SMIM24: variants seen among roughly 807,000 people sequenced by gnomAD.
SMIM24 encodes the protein small integral membrane protein 24, also known as MAP17-related dimer.
In SMIM24, 6 loss-of-function variants were observed where a neutral mutation model predicts 10.8. The ratio of observed to expected loss-of-function variants is 0.55; its 90% CI spans 0.30 to 1.09. The LOEUF is 1.09. Ranked by LOEUF, SMIM24 falls within the 50% of genes least tolerant of loss-of-function variation. The pLI is 0.06. For synonymous variants in SMIM24, 71 were observed against 62.4 expected (o/e 1.14, Z -0.65); for missense variants, 151 against 153.4 (o/e 0.98, Z 0.08).
Position 3,478,922 on chromosome 19 carries a change from C to G in SMIM24, c.75G>C (p.Glu25Asp). The change falls in exon 2 of 4, where the codon GAG becomes GAC. Residue 25 changes from glutamate (E) to aspartate (D), a missense_variant. Glu to Asp is a conservative substitution (Grantham distance 45). Coordinates refer to ENST00000215531, the MANE Select transcript of SMIM24 (RefSeq NM_001136503.2). ...LSPVEAQQAT[E>D]HRLKPWLVGL... is the part of the protein sequence containing the mutation. Reference sequence around the variant, plus strand: ...CCACCAGCCACGGCTTCAGGCGATGCTCCGTGGCTGCAGGAAGTTGGGGAG... The same window carrying G: ...CCACCAGCCACGGCTTCAGGCGATGGTCCGTGGCTGCAGGAAGTTGGGGAG... 1 of 1,549,606 alleles carries G rather than the reference C, an allele frequency of 6.5e-7. No individual in the cohort carries two copies. Among genetic ancestry groups the G allele is most frequent in the South Asian group, 1.2e-5 (1 of 84,018 alleles).
At position 3,480,510 on chromosome 19, in the gene SMIM24, C is replaced by G; in HGVS notation, c.-47G>C. 3 of 1,537,368 alleles carry G rather than the reference C, an allele frequency of 2.0e-6. No individual in the cohort carries two copies. The highest frequency in any genetic ancestry group is 3.6e-4 in the Middle Eastern group (2 of 5,494). The stretch of plus-strand genomic sequence containing the variant: ...CCAGCCAGCGGCGGTCCCGGGTCGG[C>G]GTCCACAGGTTTGGTGTGGGCGAGG... On this transcript the variant is annotated 5_prime_UTR_variant, in exon 1 of 4. Transcript: ENST00000215531.
chr19:3,479,940 G>A (rs1423038158), intron 1 of SMIM24, among the ~76,000 whole-genome samples: 1 of 143,650 alleles, frequency 7.0e-6, no homozygotes, highest in Non-Finnish European at 1.5e-5. Context: ...GCTTATAGAG[G>A]AGGCAGAGGC....
chr19:3,474,645 G>T lies in SMIM24; in HGVS notation c.*198C>A. On this transcript the variant is annotated 3_prime_UTR_variant, in exon 4 of 4. Coordinates refer to ENST00000215531, the MANE Select transcript of SMIM24 (RefSeq NM_001136503.2). The stretch of plus-strand genomic sequence containing the variant: ...CAGGCAGGGACCAAGCTCAGGAAGA[G>T]GGGTGCATGAAAACCATGTTTGCCC... 1 of 615,118 alleles carries T rather than the reference G, an allele frequency of 1.6e-6. No homozygotes were observed. Among genetic ancestry groups the T allele is most frequent in the South Asian group, 2.6e-5 (1 of 39,030 alleles). 38.1% of individuals were successfully genotyped at this position (615,118 alleles called of 1,614,324 possible). A position where few individuals can be genotyped will look rare whatever the true frequency, so the allele number is the denominator to read the frequency against.
intron 3 of SMIM24, among the ~76,000 whole-genome samples, chr19:3,477,302 GGA>G (rs2082797184): frequency 7.0e-6 from 1 of 143,716 alleles, no homozygotes; most frequent in Non-Finnish European, 1.5e-5. Context: ...ATGGATGGAT[GGA>G]TGATAGACAG....
Position 3,474,781 on chromosome 19 carries a change from T to A in SMIM24, c.*62A>T. The A allele has an allele frequency of 6.6e-7, 1 of 1,518,072 alleles. No individual in the cohort carries two copies. Among genetic ancestry groups the A allele is most frequent in the Admixed American group, 2.2e-5 (1 of 45,016 alleles). 94.0% of individuals were successfully genotyped at this position (1,518,072 alleles called of 1,614,324 possible). The stretch of plus-strand genomic sequence containing the variant: ...TTCACGGGCTTCAAGTCCAGGGCAC[T>A]GCTTTTAGGGGGCAGAAGAGGCATC... On this transcript the variant is annotated 3_prime_UTR_variant, in exon 4 of 4. Coordinates refer to ENST00000215531, the MANE Select transcript of SMIM24 (RefSeq NM_001136503.2).
At position 3,474,178 on chromosome 19, in the gene SMIM24, G is replaced by T. The variant is rs1178174339; in HGVS notation, c.*665C>A. The T allele has an allele frequency of 1.3e-5, 2 of 151,660 alleles. No individual in the cohort carries two copies. The highest frequency in any genetic ancestry group is 2.0e-4 in the East Asian group (1 of 5,116). 9.4% of individuals were successfully genotyped at this position (151,660 alleles called of 1,614,324 possible). The stretch of plus-strand genomic sequence containing the variant: ...GTCACGTGCCCCAAAACAAAGTGAG[G>T]TGGGGGAAGGAGCAAAGATTTGCTT... On this transcript the variant is annotated 3_prime_UTR_variant, in exon 4 of 4. Transcript: ENST00000215531.
intron 2 of SMIM24, 71 bp from the exon 3 acceptor site, chr19:3,478,549 T>C: frequency 7.3e-7 from 1 of 1,373,120 alleles, no homozygotes; most frequent in Non-Finnish European, 9.9e-7. Context: ...AAGGAAGCGG[T>C]GTGACAGCCT....
Position 3,474,073 on chromosome 19 carries a change from A to G in SMIM24, c.*770T>C. ...AAGCAGGAGAACAGAAACTGGGAAA[A>G]GGAAGTGCTAGTCCCTTTCCAAGAT... On this transcript the variant is annotated 3_prime_UTR_variant, in exon 4 of 4. Coordinates refer to ENST00000215531, the MANE Select transcript of SMIM24 (RefSeq NM_001136503.2). The G allele has an allele frequency of 6.6e-6, 1 of 152,542 alleles. No individual in the cohort carries two copies. The highest frequency in any genetic ancestry group is 1.5e-5 in the Non-Finnish European group (1 of 68,244). The allele number at this position is 152,542 out of a possible 1,614,324, so 9.4% of individuals were successfully genotyped here.
At chr19:3,479,549 ATAAAGGCGG>A (rs2082808447) in intron 1 of SMIM24, among the ~76,000 whole-genome samples, 1 of 143,504 alleles carries the variant, frequency 7.0e-6, no homozygotes, top group South Asian at 2.3e-4. Flanking sequence ...GGAGGGGCTT[ATAAAGGCGG>A]CAGAGGCTCA....
intron 1 of SMIM24, 42 bp downstream of exon 1, chr19:3,480,355 T>TC: frequency 1.0e-5 from 15 of 1,432,504 alleles, no homozygotes; most frequent in African/African-American, 1.5e-5. Context: ...CCTGACCAAC[T>TC]CCCCTATCCC....
Position 3,474,546 on chromosome 19 carries a change from T to C in SMIM24, c.*297A>G, listed in dbSNP as rs1251397098. On this transcript the variant is annotated 3_prime_UTR_variant, in exon 4 of 4. Transcript: ENST00000215531. The stretch of plus-strand genomic sequence containing the variant: ...AAATCAGGCAGTGGGGAGAAGCAGG[T>C]GGAGCCATGAGATCGTGGAGGATTG... 1 of 392,572 alleles carries C rather than the reference T, an allele frequency of 2.5e-6. No homozygotes were observed. The highest frequency in any genetic ancestry group is 4.6e-6 in the Non-Finnish European group (1 of 218,832). The allele number at this position is 392,572 out of a possible 1,614,324, so 24.3% of individuals were successfully genotyped here. A position where few individuals can be genotyped will look rare whatever the true frequency, so the allele number is the denominator to read the frequency against.
chr19:3,476,196 G>C (rs1240684566), intron 3 of SMIM24, among the ~76,000 whole-genome samples: 1 of 151,974 alleles, frequency 6.6e-6, no homozygotes, highest in Admixed American at 6.6e-5. Context: ...TGAATTGGAG[G>C]AAGAAGAGAA....
rs1289594834 is a variant in SMIM24 at position 3,474,968 on chromosome 19, T to C, written c.268A>G (p.Lys90Glu). 6.4e-7 allele frequency: 1 copy of C among 1,551,540 alleles called. No homozygotes were observed. Among genetic ancestry groups the C allele is most frequent in the Non-Finnish European group, 8.7e-7 (1 of 1,146,990 alleles). The change falls in exon 4 of 4, where the codon AAG (lysine) becomes GAG (glutamate). Residue 90 changes from lysine to glutamate, a missense_variant. Lys to Glu is a moderately conservative substitution (Grantham distance 56). Transcript: ENST00000215531. ...TTCTTCCTCTTCTCTTCTTTCTCCT[T>C]GGCCTCTTTCTTCTCTCTCTTGTCT... Reference protein sequence around the residue: ...SEDKREKKEAKEKEEKRKKEK... With the variant: ...SEDKREKKEAEEKEEKRKKEK...
intron 3 of SMIM24, among the ~76,000 whole-genome samples, chr19:3,477,063 C>CG (rs145651664): frequency 0.37 from 30,890 of 83,518 alleles, 4,970 homozygotes; most frequent in East Asian, 0.69. Flanking sequence ...ATGGATAGGT[C>CG]GGGGGGTGGG....
At chr19:3,477,064 G>A (rs550203048) in intron 3 of SMIM24, among the ~76,000 whole-genome samples, 67 of 71,932 alleles carry the variant, frequency 9.3e-4, no homozygotes, top group African/African-American at 2.5e-3. Context: ...TGGATAGGTC[G>A]GGGGGTGGGT....
At chr19:3,478,702 C>A in intron 2 of SMIM24, 116 bp downstream of exon 2, 1 of 905,966 alleles carries the variant, frequency 1.1e-6, no homozygotes, top group South Asian at 1.7e-5. Context: ...GGAGGAGCAG[C>A]AGGGAAATGG....
At chr19:3,478,276 C>A (rs1296190124) in intron 3 of SMIM24, 143 bp downstream of exon 3, 4 of 753,262 alleles carry the variant, frequency 5.3e-6, no homozygotes, top group Non-Finnish European at 8.1e-6. Context: ...GGAGAAGGAG[C>A]TGCCAGAAGA....
At chr19:3,480,196 T>TG (rs1294067981) in intron 1 of SMIM24, among the ~76,000 whole-genome samples, 4 of 39,228 alleles carry the variant, frequency 1.0e-4, no homozygotes, top group Non-Finnish European at 1.4e-4. Context: ...GGGTGGGCGG[T>TG]GGGGGGTCCC....
At chr19:3,478,196 A>G (rs1168376203) in intron 3 of SMIM24, among the ~76,000 whole-genome samples, 1 of 152,154 alleles carries the variant, frequency 6.6e-6, no homozygotes, top group Non-Finnish European at 1.5e-5. Context: ...CATGAATCAG[A>G]CTTGGGGCTG....
Sources: allele counts gnomAD v4.1 joint callset (sites outside exome capture counted in the v4.1 genomes callset), GRCh38; gene constraint gnomAD v4.1.1; transcripts MANE v1.5; gene names NCBI Gene and HGNC (gene_info 2026-07-23, HGNC 2026-07-21).